PPARGC1A: variants seen among roughly 807,000 people sequenced by gnomAD.
PPARGC1A encodes peroxisome proliferator-activated receptor gamma coactivator 1-alpha.
Under a neutral mutation model 88.7 loss-of-function variants are expected in PPARGC1A, and 25 were observed. The ratio of observed to expected loss-of-function variants is 0.28; its 90% confidence interval spans 0.21 to 0.39. The LOEUF (loss-of-function observed/expected upper bound fraction) is 0.39. Ranked by LOEUF, PPARGC1A falls within the 10% of genes least tolerant of loss-of-function variation. The probability of loss-of-function intolerance (pLI) is 1.00; values close to 1 mark genes in which losing one functional copy is unlikely to be tolerated. For missense variants in PPARGC1A, 880 were observed against 968.7 expected (o/e 0.91, Z 1.22); for synonymous variants, 363 against 355.6 (o/e 1.02, Z -0.24).
chr4:23,877,622 G>A (rs1208382410), intron 2 of PPARGC1A: 1 of 144,578 alleles, frequency 6.9e-6, no homozygotes, highest in Non-Finnish European at 1.5e-5. Context: ...TACTGAAATT[G>A]TTTTACATCA....
the PPARGC1A span, among the ~76,000 whole-genome samples, chr4:24,133,569 A>G: frequency 1.3e-5 from 2 of 152,212 alleles, no homozygotes; most frequent in African/African-American, 4.8e-5. Flanking sequence ...GATTGGCATA[A>G]TTCGGGGCCC....
chr4:24,298,195 A>AC, the PPARGC1A span, among the ~76,000 whole-genome samples: 326 of 151,650 alleles, frequency 2.1e-3, 2 homozygotes, highest in African/African-American at 7.7e-3. Context: ...TGAAAAAAAA[A>AC]AAGATAAGAA....
chr4:23,814,066 CA>C lies in PPARGC1A; in HGVS notation c.1416del (p.Val473PhefsTer12). On this transcript the variant is annotated frameshift_variant, in exon 8 of 13. Transcript: ENST00000264867. LOFTEE classifies it high-confidence loss of function. ...LNKHFGHPSQ[A>X]VFDDEADKTG... Reference sequence around the variant, plus strand: ...GTCTTGTCTGCTTCGTCGTCAAAAACAGCTTGACTGGGATGACCGAAGTGCT... The same window carrying C: ...GTCTTGTCTGCTTCGTCGTCAAAAACGCTTGACTGGGATGACCGAAGTGCT... 3 of 1,614,040 alleles carry C rather than the reference CA, an allele frequency of 1.9e-6. No homozygotes were observed. Among genetic ancestry groups the C allele is most frequent in the Non-Finnish European group, 2.5e-6 (3 of 1,179,968 alleles).
chr4:24,192,226 T>C, the PPARGC1A span, among the ~76,000 whole-genome samples: 4 of 152,348 alleles, frequency 2.6e-5, no homozygotes, highest in Non-Finnish European at 4.4e-5. Context: ...CCTCCAGACA[T>C]GTGACCTTGG....
chr4:23,953,180 A>G, the PPARGC1A span, among the ~76,000 whole-genome samples: 2 of 152,144 alleles, frequency 1.3e-5, no homozygotes, highest in African/African-American at 4.8e-5. Context: ...GCTGATCACA[A>G]GCTAAATGTG....
At chr4:24,447,290 A>G in the PPARGC1A span, among the ~76,000 whole-genome samples, 1 of 152,168 alleles carries the variant, frequency 6.6e-6, no homozygotes, top group Non-Finnish European at 1.5e-5. Context: ...GACCATCATC[A>G]CCAACCAGGG....
At chr4:24,035,462 A>T in the PPARGC1A span, among the ~76,000 whole-genome samples, 1 of 152,056 alleles carries the variant, frequency 6.6e-6, no homozygotes, top group Non-Finnish European at 1.5e-5. Flanking sequence ...AATTGTTTGA[A>T]CCTGGGAGAA....
the PPARGC1A span, among the ~76,000 whole-genome samples, chr4:24,360,037 C>T: frequency 6.6e-6 from 1 of 152,146 alleles, no homozygotes; most frequent in Admixed American, 6.5e-5. Context: ...GCTTCTTTTA[C>T]TCATACAGTT....
chr4:24,339,495 AC>A, the PPARGC1A span, among the ~76,000 whole-genome samples: 1 of 151,848 alleles, frequency 6.6e-6, no homozygotes, highest in South Asian at 2.1e-4. Flanking sequence ...TGGTCCCTTA[AC>A]CCAGCACATC....
the PPARGC1A span, among the ~76,000 whole-genome samples, chr4:23,922,819 G>A: frequency 2.6e-5 from 4 of 152,142 alleles, no homozygotes; most frequent in East Asian, 3.9e-4. Context: ...TACCCACTCT[G>A]GCTTCCACAC....
At chr4:23,965,861 T>A in the PPARGC1A span, among the ~76,000 whole-genome samples, 2 of 152,202 alleles carry the variant, frequency 1.3e-5, no homozygotes, top group Non-Finnish European at 2.9e-5. Context: ...CATAAATAAA[T>A]CACAAAATAC....
chr4:23,817,241 C>A (rs1484698552), intron 7 of PPARGC1A, among the ~76,000 whole-genome samples: 3 of 152,078 alleles, frequency 2.0e-5, no homozygotes, highest in African/African-American at 4.8e-5. Flanking sequence ...AAATTTGAAA[C>A]CCTTGTCCTA....
At chr4:24,274,294 C>T in the PPARGC1A span, among the ~76,000 whole-genome samples, 1 of 152,070 alleles carries the variant, frequency 6.6e-6, no homozygotes, top group African/African-American at 2.4e-5. Flanking sequence ...TATCCACCTC[C>T]TACTCTATCC....
At chr4:24,210,661 C>T in the PPARGC1A span, among the ~76,000 whole-genome samples, 2 of 152,370 alleles carry the variant, frequency 1.3e-5, no homozygotes, top group South Asian at 4.1e-4. Flanking sequence ...GGGCATGTGG[C>T]CCCGTGCACT....
the PPARGC1A span, among the ~76,000 whole-genome samples, chr4:24,150,913 C>T: frequency 5.3e-5 from 8 of 152,100 alleles, no homozygotes; most frequent in African/African-American, 1.7e-4. Context: ...CCCTAGATAC[C>T]CTCTCCTCTC....
chr4:24,171,876 T>C, the PPARGC1A span, among the ~76,000 whole-genome samples: 2 of 152,242 alleles, frequency 1.3e-5, no homozygotes, highest in Non-Finnish European at 2.9e-5. Context: ...TGGGTTTCTT[T>C]TATTTCTTAC....
At chr4:24,073,225 G>T in the PPARGC1A span, among the ~76,000 whole-genome samples, 1 of 151,936 alleles carries the variant, frequency 6.6e-6, no homozygotes, top group Admixed American at 6.6e-5. Context: ...TGTATTTTTG[G>T]TAGAGATGGG....
the PPARGC1A span, among the ~76,000 whole-genome samples, chr4:24,094,085 C>T: frequency 6.6e-6 from 1 of 152,146 alleles, no homozygotes; most frequent in African/African-American, 2.4e-5. Flanking sequence ...TCTCAGCCCG[C>T]TCTTTCTCTA....
the PPARGC1A span, among the ~76,000 whole-genome samples, chr4:24,341,755 T>C: frequency 2.0e-4 from 30 of 152,126 alleles, no homozygotes; most frequent in Admixed American, 2.0e-3. Context: ...GCTTAACATG[T>C]TTGAGACATG....
Sources: allele counts gnomAD v4.1 joint callset (sites outside exome capture counted in the v4.1 genomes callset), GRCh38; gene constraint gnomAD v4.1.1; transcripts MANE v1.5; gene names NCBI Gene and HGNC (gene_info 2026-07-23, HGNC 2026-07-21).